LAMA2: variants seen among roughly 807,000 people sequenced by gnomAD.
LAMA2 encodes laminin subunit alpha-2.
In LAMA2, 269 loss-of-function variants were observed where a neutral mutation model predicts 364.8. That is an observed-to-expected ratio of 0.74 (90% CI 0.67 to 0.82). The LOEUF (loss-of-function observed/expected upper bound fraction) is 0.82. Among genes scored for constraint, LAMA2 ranks in the 40% least tolerant of loss-of-function variants. The pLI, the probability that LAMA2 is intolerant of heterozygous loss-of-function variation, is 0.00. For missense variants in LAMA2, 3,807 were observed against 3,873.2 expected (o/e 0.98, Z 0.45); for synonymous variants, 1,379 against 1,370.6 (o/e 1.01, Z -0.14).
intron 22 of LAMA2, among the ~76,000 whole-genome samples, chr6:129,305,389 A>C (rs1773802220): frequency 6.6e-6 from 1 of 150,470 alleles, no homozygotes; most frequent in African/African-American, 2.5e-5. Flanking sequence ...CAGTGGTGTG[A>C]TCTCAGCTCA....
chr6:128,991,546 C>T (rs75983443), intron 1 of LAMA2, among the ~76,000 whole-genome samples: 159 of 152,232 alleles, frequency 1.0e-3, no homozygotes, highest in African/African-American at 3.6e-3. Context: ...GATGATAAAG[C>T]AATCTGCTTT....
rs1787059258 is a variant in LAMA2, at chr6:129,260,727, C to A, written c.2113C>A (p.Leu705Ile). ...CTGCCATAGGTTGAGCTCTGTTAAC[C>A]TTGAATCCGCTGTCTCCTATCCTAC... ...DAIFRLSSVN[L>I]ESAVSYPTDG... is the part of the protein sequence containing the mutation. Residue 705 changes from leucine to isoleucine, a missense_variant, in exon 15 of 65, where the codon CTT becomes ATT. Transcript: ENST00000421865. 3 of 1,611,092 alleles carry A rather than the reference C, an allele frequency of 1.9e-6. No individual in the cohort carries two copies. Among genetic ancestry groups the A allele is most frequent in the South Asian group, 1.1e-5 (1 of 91,038 alleles).
At chr6:129,463,963 C>G (rs1383117000) in intron 49 of LAMA2, among the ~76,000 whole-genome samples, 2 of 151,892 alleles carry the variant, frequency 1.3e-5, no homozygotes, top group African/African-American at 4.8e-5. Flanking sequence ...TCAGCCCATC[C>G]AGAAACCCCG....
intron 29 of LAMA2, among the ~76,000 whole-genome samples, chr6:129,334,458 A>G (rs555816709): frequency 1.3e-5 from 2 of 152,228 alleles, no homozygotes; most frequent in Non-Finnish European, 2.9e-5. Context: ...ACGCTTCATA[A>G]AAGCAATTAT....
chr6:129,391,776 T>A, intron 36 of LAMA2, 123 bp downstream of exon 36: 1 of 769,244 alleles, frequency 1.3e-6, no homozygotes, highest in East Asian at 2.7e-5. Context: ...CTGGAGATAT[T>A]TGCTATGTTA....
At chr6:129,366,471 C>A (rs2114620563) in intron 33 of LAMA2, 110 bp downstream of exon 33, 4 of 1,204,228 alleles carry the variant, frequency 3.3e-6, no homozygotes, top group Non-Finnish European at 3.6e-6. Flanking sequence ...AATCAAGGGA[C>A]ACAACTGTTA....
intron 35 of LAMA2, among the ~76,000 whole-genome samples, chr6:129,389,896 G>A (rs1240180018): frequency 6.6e-6 from 1 of 152,140 alleles, no homozygotes; most frequent in East Asian, 1.9e-4. Context: ...AACTTGAGAT[G>A]AGATTTGAGG....
chr6:129,509,616 T>C lies in LAMA2; in HGVS notation c.8857+1974T>C, dbSNP rs116883745. Among the ~76,000 whole-genome samples, 41 of 152,306 alleles carry C rather than the reference T, an allele frequency of 2.7e-4. 1 individual carries two copies. In the East Asian group the frequency reaches 7.9e-3, roughly 29 times the overall value. ...CACCATTTATTGAAGAGACTGTCCTTTCCCTAATGTATGTTCTTAGAACCT... is the reference window on the plus strand; with the variant it reads ...CACCATTTATTGAAGAGACTGTCCTCTCCCTAATGTATGTTCTTAGAACCT... On this transcript the variant is annotated intron_variant, in intron 62 of 64. Coordinates refer to ENST00000421865, the MANE Select transcript of LAMA2 (RefSeq NM_000426.4).
At chr6:129,116,493 T>G (rs2114910579) in intron 4 of LAMA2, among the ~76,000 whole-genome samples, 1 of 152,282 alleles carries the variant, frequency 6.6e-6, no homozygotes, top group Non-Finnish European at 1.5e-5. Context: ...CAGCTATGAA[T>G]AGTTCTAAAA....
At chr6:129,449,090 C>T (rs1782534679) in intron 45 of LAMA2, among the ~76,000 whole-genome samples, 3 of 152,204 alleles carry the variant, frequency 2.0e-5, no homozygotes, top group Non-Finnish European at 2.9e-5. Flanking sequence ...TATGTACTGG[C>T]TGTCAACAGT....
intron 29 of LAMA2, among the ~76,000 whole-genome samples, chr6:129,329,443 C>A (rs1277716728): frequency 6.6e-6 from 1 of 152,068 alleles, no homozygotes; most frequent in Non-Finnish European, 1.5e-5. Flanking sequence ...CTCACTGCAA[C>A]CTCCGACTCC....
chr6:129,294,884 A>T (rs945606745), intron 20 of LAMA2, among the ~76,000 whole-genome samples: 2 of 152,046 alleles, frequency 1.3e-5, no homozygotes, highest in Admixed American at 6.6e-5. Flanking sequence ...GTTTAAAATA[A>T]TTTTTTTTCA....
chr6:129,302,633 A>G (rs1473853776), intron 22 of LAMA2, among the ~76,000 whole-genome samples: 1 of 152,020 alleles, frequency 6.6e-6, no homozygotes, highest in African/African-American at 2.4e-5. Flanking sequence ...TTCCATTTTG[A>G]ATATTAATTT....
At chr6:128,954,224 C>T (rs1781008503) in intron 1 of LAMA2, among the ~76,000 whole-genome samples, 1 of 152,062 alleles carries the variant, frequency 6.6e-6, no homozygotes, top group Admixed American at 6.6e-5. Context: ...GAAACATAAA[C>T]TCCATAATGC....
chr6:129,069,779 A>G (rs932372188), intron 3 of LAMA2, among the ~76,000 whole-genome samples: 14 of 148,342 alleles, frequency 9.4e-5, no homozygotes, highest in African/African-American at 3.4e-4. Flanking sequence ...ATATTGTATA[A>G]TGTATAATTA....
At chr6:128,886,654 C>G (rs2114369792) in intron 1 of LAMA2, among the ~76,000 whole-genome samples, 1 of 152,200 alleles carries the variant, frequency 6.6e-6, no homozygotes, top group South Asian at 2.1e-4. Flanking sequence ...AAGGACTGTC[C>G]TCAAATTTTC....
chr6:129,402,912 C>T lies in LAMA2; in HGVS notation c.5726+425C>T, dbSNP rs140975151. Among the ~76,000 whole-genome samples the T allele has an allele frequency of 7.2e-5, 11 of 152,280 alleles. No homozygotes were observed. The East Asian group carries it at 1.7e-3, about 24-fold the overall frequency. ...TGGCTTTTGAAAATTTGGCCCCATACGTAGTCTTTAAGTCTTTTTTATTTT... is the reference window on the plus strand; with the variant it reads ...TGGCTTTTGAAAATTTGGCCCCATATGTAGTCTTTAAGTCTTTTTTATTTT... On this transcript the variant is annotated intron_variant, in intron 39 of 64. Transcript: ENST00000421865.
At chr6:129,244,319 T>A (rs1583326584) in intron 12 of LAMA2, among the ~76,000 whole-genome samples, 2 of 152,200 alleles carry the variant, frequency 1.3e-5, no homozygotes, top group African/African-American at 4.8e-5. Flanking sequence ...GTTTCTATGA[T>A]AAAAGAGAGC....
At chr6:129,066,046 T>TTTTTTTTTTTTTTTTTTTTTTC (rs1789294405) in intron 3 of LAMA2, among the ~76,000 whole-genome samples, 1 of 82,754 alleles carries the variant, frequency 1.2e-5, no homozygotes, top group Admixed American at 1.5e-4. Flanking sequence ...AGGTTTTTTT[T>TTTTTTTTTTTTTTTTTTTTTTC]TTTTTTTTTT....
Sources: gnomAD v4.1 joint callset for allele counts (sites outside exome capture counted in the v4.1 genomes callset) on GRCh38, gnomAD v4.1.1 for gene constraint, MANE v1.5 for transcripts, NCBI Gene and HGNC (gene_info 2026-07-23, HGNC 2026-07-21) for gene names.